KCNK1: variants seen among roughly 807,000 people sequenced by gnomAD.
KCNK1 encodes the protein potassium channel subfamily K member 1.
Under a neutral mutation model 22.2 loss-of-function variants are expected in KCNK1, and 10 were observed. That is an observed-to-expected ratio of 0.45 (90% CI 0.28 to 0.76). The LOEUF (loss-of-function observed/expected upper bound fraction) is 0.76, where lower values mean the gene tolerates loss of function less well. KCNK1 is among the 30% of genes least tolerant of loss of function. The probability of loss-of-function intolerance (pLI) is 0.14; values close to 1 mark genes in which losing one functional copy is unlikely to be tolerated. For missense variants in KCNK1, 378 were observed against 421.0 expected (o/e 0.90, Z 0.89); for synonymous variants, 200 against 186.4 (o/e 1.07, Z -0.60).
At chr1:233,633,063 G>A (rs1296081808) in intron 1 of KCNK1, among the ~76,000 whole-genome samples, 1 of 151,760 alleles carries the variant, frequency 6.6e-6, no homozygotes, top group African/African-American at 2.4e-5. Flanking sequence ...GTTTGCTTCT[G>A]TCTGCCATTT....
chr1:233,662,238 C>CCTT lies in KCNK1; in HGVS notation c.356-4324_356-4322dup, dbSNP rs147341553. On this transcript the variant is annotated intron_variant, in intron 1 of 2. Coordinates refer to ENST00000366621, the MANE Select transcript of KCNK1 (RefSeq NM_002245.4). ...TGCTGCTGCTGCTTCTTCTTCTTCT[C>CCTT]CTTCTTCTTCTTCTTCTTCTTCTTC... Among the ~76,000 whole-genome samples the CCTT allele has an allele frequency of 7.7e-3, 1,148 of 149,558 alleles. 12 individuals carry two copies. The highest frequency in any genetic ancestry group is 0.024 in the African/African-American group (982 of 40,544).
At chr1:233,616,951 T>TC (rs140004481) in intron 1 of KCNK1, among the ~76,000 whole-genome samples, 3,809 of 152,290 alleles carry the variant, frequency 0.025, 149 homozygotes, top group African/African-American at 0.086. Flanking sequence ...CTGATGTGCT[T>TC]CATTACTAGG....
intron 1 of KCNK1, among the ~76,000 whole-genome samples, chr1:233,642,251 G>A (rs2102895888): frequency 6.6e-6 from 1 of 152,304 alleles, no homozygotes; most frequent in South Asian, 2.1e-4. Flanking sequence ...TGTTGTTTGT[G>A]TTAAAGGCAA....
chr1:233,631,184 C>G, intron 1 of KCNK1: 1 of 475,656 alleles, frequency 2.1e-6, no homozygotes, highest in Non-Finnish European at 4.4e-6. Flanking sequence ...TTATTTATAC[C>G]TACGTGGTAA....
At chr1:233,646,555 T>C (rs1211107309) in intron 1 of KCNK1, among the ~76,000 whole-genome samples, 1 of 151,768 alleles carries the variant, frequency 6.6e-6, no homozygotes, top group Non-Finnish European at 1.5e-5. Context: ...TTATTATTAT[T>C]ATTTTGGTAG....
chr1:233,651,731 G>T (rs944034770), intron 1 of KCNK1, among the ~76,000 whole-genome samples: 1 of 152,212 alleles, frequency 6.6e-6, no homozygotes, highest in African/African-American at 2.4e-5. Flanking sequence ...AGGCAGATGG[G>T]AGCAGGACGT....
At chr1:233,618,943 T>C (rs1172140951) in intron 1 of KCNK1, among the ~76,000 whole-genome samples, 1 of 152,218 alleles carries the variant, frequency 6.6e-6, no homozygotes, top group Non-Finnish European at 1.5e-5. Context: ...ATTCATGCAG[T>C]ATACAAACTT....
Position 233,671,920 on chromosome 1 carries a change from G to GA in KCNK1, c.*390_*391insA. On this transcript the variant is annotated 3_prime_UTR_variant, in exon 3 of 3. Coordinates refer to ENST00000366621, the MANE Select transcript of KCNK1 (RefSeq NM_002245.4). ...TAAATAGCAAAATTTATATTTAGAA[G>GA]CAAAAAAAAAAAGCATAGAGATGTG... 4 of 174,690 alleles carry GA rather than the reference G, an allele frequency of 2.3e-5. No individual in the cohort carries two copies. Among genetic ancestry groups the GA allele is most frequent in the East Asian group, 1.6e-4 (1 of 6,192 alleles). The allele number at this position is 174,690 out of a possible 1,614,324, so 10.8% of individuals were successfully genotyped here.
intron 1 of KCNK1, among the ~76,000 whole-genome samples, chr1:233,650,850 G>C (rs199602736): frequency 6.7e-6 from 1 of 150,312 alleles, no homozygotes; most frequent in African/African-American, 2.4e-5. Flanking sequence ...TCCTCCAAAA[G>C]ATACAGAGAT....
intron 1 of KCNK1, among the ~76,000 whole-genome samples, chr1:233,633,897 A>G (rs1235256195): frequency 6.6e-6 from 1 of 152,222 alleles, no homozygotes; most frequent in African/African-American, 2.4e-5. Flanking sequence ...CATCCGCAAC[A>G]CAGCAGTAGT....
chr1:233,662,533 A>G (rs982153396), intron 1 of KCNK1, among the ~76,000 whole-genome samples: 1 of 152,190 alleles, frequency 6.6e-6, no homozygotes, highest in Non-Finnish European at 1.5e-5. Context: ...GGCCCTCATT[A>G]AGGAGCATTT....
At chr1:233,617,531 G>A (rs1157551863) in intron 1 of KCNK1, among the ~76,000 whole-genome samples, 2 of 152,152 alleles carry the variant, frequency 1.3e-5, no homozygotes, top group African/African-American at 2.4e-5. Flanking sequence ...TGACATAGAC[G>A]CCTTTAGAAA....
intron 1 of KCNK1, chr1:233,649,809 G>A (rs1658167030): frequency 5.3e-6 from 2 of 379,812 alleles, no homozygotes; most frequent in Non-Finnish European, 1.1e-5. Flanking sequence ...GAATCTGGAA[G>A]TTGGGGGAAC....
At chr1:233,644,414 A>G (rs1231841579) in intron 1 of KCNK1, among the ~76,000 whole-genome samples, 1 of 152,228 alleles carries the variant, frequency 6.6e-6, no homozygotes, top group African/African-American at 2.4e-5. Context: ...GCACTTAGGC[A>G]TACAATGATA....
intron 1 of KCNK1, chr1:233,631,396 A>C: frequency 2.2e-6 from 1 of 450,820 alleles, no homozygotes; most frequent in East Asian, 6.7e-5. Flanking sequence ...GTTTCTCTTT[A>C]ATGATAGGAT....
chr1:233,667,868 T>C (rs1658528010), intron 2 of KCNK1, among the ~76,000 whole-genome samples: 1 of 152,054 alleles, frequency 6.6e-6, no homozygotes, highest in African/African-American at 2.4e-5. Flanking sequence ...GTGTTATCAA[T>C]CATGCTCTTT....
chr1:233,619,320 C>T (rs923010363), intron 1 of KCNK1, among the ~76,000 whole-genome samples: 1 of 152,100 alleles, frequency 6.6e-6, no homozygotes, highest in Non-Finnish European at 1.5e-5. Context: ...CCATGCCTGG[C>T]CCCTGTTCCT....
intron 1 of KCNK1, chr1:233,629,863 C>T (rs1657760387): frequency 6.6e-6 from 1 of 152,224 alleles, no homozygotes; most frequent in Non-Finnish European, 1.5e-5. Context: ...GGAGACGGCC[C>T]TGGACGGCCG....
chr1:233,665,526 C>G (rs1211694698), intron 1 of KCNK1, among the ~76,000 whole-genome samples: 1 of 144,712 alleles, frequency 6.9e-6, no homozygotes, highest in Non-Finnish European at 1.5e-5. Flanking sequence ...AAACATTTCA[C>G]AACAAACAAA....
Sources: gnomAD v4.1 joint callset for allele counts (sites outside exome capture counted in the v4.1 genomes callset) on GRCh38, gnomAD v4.1.1 for gene constraint, MANE v1.5 for transcripts, NCBI Gene and HGNC (gene_info 2026-07-23, HGNC 2026-07-21) for gene names.